Variants in TAS2R1 observed in about 807,000 individuals in gnomAD.
The protein encoded by TAS2R1 is taste receptor type 2 member 1.
For missense variants in TAS2R1, 370 were observed against 353.4 expected, an observed-to-expected ratio of 1.05 and a Z score of -0.38; for synonymous variants, 141 against 134.2, an observed-to-expected ratio of 1.05 and a Z score of -0.35.
the TAS2R1 span, among the ~76,000 whole-genome samples, chr5:9,781,952 C>A: frequency 1.3e-5 from 2 of 152,166 alleles, no homozygotes; most frequent in Non-Finnish European, 2.9e-5. Flanking sequence ...CTTTCTTCCC[C>A]ATTAAAATGG....
At chr5:9,852,670 G>C in the TAS2R1 span, among the ~76,000 whole-genome samples, 1 of 152,284 alleles carries the variant, frequency 6.6e-6, no homozygotes, top group East Asian at 1.9e-4. Context: ...GCAAGACTCT[G>C]AAGTATAAAT....
the TAS2R1 span, among the ~76,000 whole-genome samples, chr5:9,801,229 A>G: frequency 5.3e-5 from 8 of 152,248 alleles, no homozygotes; most frequent in Non-Finnish European, 1.2e-4. Flanking sequence ...GGATACAGGA[A>G]AAAGGCAGCC....
intron 1 of TAS2R1, among the ~76,000 whole-genome samples, chr5:9,684,345 A>C (rs1741083852): frequency 6.6e-6 from 1 of 152,222 alleles, no homozygotes; most frequent in Non-Finnish European, 1.5e-5. Context: ...GGAGCTGAAA[A>C]GTTGAACTCA....
At chr5:9,637,309 T>C (rs947709563) in intron 2 of TAS2R1, among the ~76,000 whole-genome samples, 6 of 152,236 alleles carry the variant, frequency 3.9e-5, no homozygotes, top group Non-Finnish European at 5.9e-5. Context: ...GTTAATCTGA[T>C]AGGTTCTCCT....
At chr5:9,726,470 G>A in the TAS2R1 span, among the ~76,000 whole-genome samples, 2 of 152,108 alleles carry the variant, frequency 1.3e-5, no homozygotes, top group Non-Finnish European at 1.5e-5. Context: ...TCCACACTGT[G>A]GAAGCTTAGT....
chr5:9,638,610 G>T (rs1740012734), intron 2 of TAS2R1, among the ~76,000 whole-genome samples: 1 of 152,200 alleles, frequency 6.6e-6, no homozygotes, highest in African/African-American at 2.4e-5. Flanking sequence ...GTAGCAGGGG[G>T]CTGTAAGCTT....
At chr5:9,726,968 T>C in the TAS2R1 span, among the ~76,000 whole-genome samples, 2 of 152,348 alleles carry the variant, frequency 1.3e-5, no homozygotes, top group South Asian at 4.1e-4. Context: ...GAGGGGCCCA[T>C]CATCAATGTT....
At position 9,642,653 on chromosome 5, in the gene TAS2R1, C is replaced by G. The variant is rs373752860; in HGVS notation, c.-80-12661G>C. On this transcript the variant is annotated intron_variant, in intron 2 of 2. Coordinates refer to the TAS2R1 transcript ENST00000506620. ...TGTCCCTTCCCTTGCTCAATTTATT[C>G]TAGTAATATATTTCTGTGCTTTTTC... 2.0e-5 allele frequency among the ~76,000 whole-genome samples: 3 copies of G among 152,226 alleles called. No homozygotes were observed. In the East Asian group the frequency reaches 5.8e-4, roughly 29 times the overall value.
the TAS2R1 span, among the ~76,000 whole-genome samples, chr5:9,730,580 A>T: frequency 6.6e-6 from 1 of 152,124 alleles, no homozygotes; most frequent in South Asian, 2.1e-4. Flanking sequence ...CAGCAGTAGG[A>T]TGTGTGGCTT....
the TAS2R1 span, among the ~76,000 whole-genome samples, chr5:9,727,286 G>A: frequency 6.6e-6 from 1 of 152,238 alleles, no homozygotes; most frequent in South Asian, 2.1e-4. Context: ...CCACCAGGAA[G>A]CAGACATTTA....
At chr5:9,834,452 AG>A in the TAS2R1 span, among the ~76,000 whole-genome samples, 13 of 152,238 alleles carry the variant, frequency 8.5e-5, no homozygotes, top group Admixed American at 5.9e-4. Flanking sequence ...AGTTGCAGAA[AG>A]GAAAAGCTGG....
At chr5:9,829,885 G>A in the TAS2R1 span, among the ~76,000 whole-genome samples, 31 of 152,270 alleles carry the variant, frequency 2.0e-4, no homozygotes, top group African/African-American at 6.5e-4. Context: ...GACACAAAAG[G>A]GGGGAATGAA....
chr5:9,873,875 A>G, the TAS2R1 span, among the ~76,000 whole-genome samples: 1 of 150,078 alleles, frequency 6.7e-6, no homozygotes, highest in African/African-American at 2.4e-5. Flanking sequence ...TCTCGGGGAA[A>G]AAAAAAAAAA....
At chr5:9,840,653 T>C in the TAS2R1 span, among the ~76,000 whole-genome samples, 1 of 151,972 alleles carries the variant, frequency 6.6e-6, no homozygotes, top group African/African-American at 2.4e-5. Flanking sequence ...TGTTCATTTA[T>C]ATTTATCACT....
the TAS2R1 span, among the ~76,000 whole-genome samples, chr5:9,836,438 G>A: frequency 4.6e-5 from 7 of 152,088 alleles, no homozygotes; most frequent in Non-Finnish European, 4.4e-5. Context: ...ATTGTGGGGT[G>A]TTTAGCAGTA....
the TAS2R1 span, among the ~76,000 whole-genome samples, chr5:9,742,247 T>G: frequency 6.6e-6 from 1 of 152,162 alleles, no homozygotes; most frequent in Non-Finnish European, 1.5e-5. Context: ...TAACAGATGA[T>G]TTGCAAAGAA....
At chr5:9,789,688 C>A in the TAS2R1 span, among the ~76,000 whole-genome samples, 1 of 147,098 alleles carries the variant, frequency 6.8e-6, no homozygotes, top group African/African-American at 2.5e-5. Context: ...GTGGATCTGG[C>A]AATTTCTCCT....
chr5:9,651,184 T>C (rs1260825656), intron 2 of TAS2R1, among the ~76,000 whole-genome samples: 2 of 152,204 alleles, frequency 1.3e-5, no homozygotes, highest in African/African-American at 4.8e-5. Context: ...TTCAGACAGA[T>C]GCTCTCAAGG....
the TAS2R1 span, among the ~76,000 whole-genome samples, chr5:9,842,671 T>G: frequency 2.0e-5 from 3 of 152,112 alleles, no homozygotes. Context: ...TAAGCTGATT[T>G]GTGGCAAAGT....
Sources: gnomAD v4.1 joint callset for allele counts (sites outside exome capture counted in the v4.1 genomes callset) on GRCh38, gnomAD v4.1.1 for gene constraint, MANE v1.5 for transcripts, NCBI Gene and HGNC (gene_info 2026-07-23, HGNC 2026-07-21) for gene names.